Variants in TFDP2 observed in about 807,000 individuals in gnomAD.
TFDP2 encodes transcription factor Dp-2, also known as transcription factor Dp-2 (E2F dimerization partner 2).
Under a neutral mutation model 59.3 loss-of-function variants are expected in TFDP2, and 17 were observed. The ratio of observed to expected loss-of-function variants is 0.29; its 90% confidence interval spans 0.20 to 0.43. TFDP2 has a LOEUF of 0.43. Among genes scored for constraint, TFDP2 ranks in the 20% least tolerant of loss-of-function variants. The pLI is 1.00. For missense variants in TFDP2, 391 were observed against 528.8 expected, an observed-to-expected ratio of 0.74 and a Z score of 2.56; for synonymous variants, 180 against 194.7, an observed-to-expected ratio of 0.92 and a Z score of 0.63.
In TFDP2 at chr3:141,944,517, C is replaced by T. The variant is rs1935040210; in HGVS notation, c.*7996G>A. On this transcript the variant is annotated 3_prime_UTR_variant, in exon 13 of 13. Coordinates refer to ENST00000489671, the MANE Select transcript of TFDP2 (RefSeq NM_001178139.2). ...TTTTTTCTCAAGAACAACTTACACT[C>T]ATTTGAGATGCTTTTTCTTTCCTTT... 1 of 152,188 alleles carries T rather than the reference C, an allele frequency of 6.6e-6. No individual in the cohort carries two copies. Among genetic ancestry groups the T allele is most frequent in the South Asian group, 2.1e-4 (1 of 4,834 alleles). The allele number at this position is 152,188 out of a possible 1,614,324, so 9.4% of individuals were successfully genotyped here. A position where few individuals can be genotyped will look rare whatever the true frequency, so the allele number is the denominator to read the frequency against.
intron 2 of TFDP2, among the ~76,000 whole-genome samples, chr3:142,097,292 G>A (rs139821728): frequency 6.6e-6 from 1 of 152,286 alleles, no homozygotes; most frequent in African/African-American, 2.4e-5. Context: ...ATAATATGAT[G>A]AGTGAGCAAA....
At chr3:142,023,151 AAAAG>A (rs1457397317) in intron 3 of TFDP2, among the ~76,000 whole-genome samples, 3 of 151,016 alleles carry the variant, frequency 2.0e-5, no homozygotes, top group African/African-American at 7.3e-5. Flanking sequence ...AAAGAAAAAG[AAAAG>A]AAAAAGAAAA....
chr3:142,138,336 G>T (rs1006962135), intron 1 of TFDP2, among the ~76,000 whole-genome samples: 2 of 152,062 alleles, frequency 1.3e-5, no homozygotes, highest in African/African-American at 2.4e-5. Flanking sequence ...TGGATTCATT[G>T]ATTTTTTGAA....
chr3:142,007,481 T>A (rs1944312121), intron 3 of TFDP2, among the ~76,000 whole-genome samples: 1 of 152,244 alleles, frequency 6.6e-6, no homozygotes, highest in Admixed American at 6.5e-5. Context: ...CCAACCGTTT[T>A]AGCACCAGGA....
chr3:141,976,943 C>A (rs1322644293), intron 7 of TFDP2, among the ~76,000 whole-genome samples: 6 of 150,442 alleles, frequency 4.0e-5, no homozygotes, highest in African/African-American at 1.5e-4. Context: ...AAGCAACAAA[C>A]AAAACTTGGA....
chr3:141,973,115 A>T (rs1216235088), intron 8 of TFDP2, among the ~76,000 whole-genome samples: 172 of 91,928 alleles, frequency 1.9e-3, no homozygotes, highest in South Asian at 0.013. Flanking sequence ...ATATATATAT[A>T]TATATATATT....
At chr3:142,140,104 A>C (rs565509192) in intron 1 of TFDP2, among the ~76,000 whole-genome samples, 64 of 152,044 alleles carry the variant, frequency 4.2e-4, no homozygotes, top group African/African-American at 1.5e-3. Flanking sequence ...TTCTCGCTTT[A>C]TTTCATTAAT....
chr3:142,132,919 A>C (rs1337089034), intron 1 of TFDP2, among the ~76,000 whole-genome samples: 4 of 149,816 alleles, frequency 2.7e-5, no homozygotes, highest in Admixed American at 2.6e-4. Context: ...TAAAGATATA[A>C]ATTCTCCCAA....
chr3:142,044,022 G>T, intron 3 of TFDP2: 1 of 678,108 alleles, frequency 1.5e-6, no homozygotes. Context: ...TCAAGCCCAG[G>T]AATGGACTGT....
intron 6 of TFDP2, among the ~76,000 whole-genome samples, chr3:141,985,819 A>G (rs966744167): frequency 6.6e-6 from 1 of 152,238 alleles, no homozygotes; most frequent in African/African-American, 2.4e-5. Context: ...ATTAAGAATG[A>G]AAGGTCAATT....
intron 1 of TFDP2, among the ~76,000 whole-genome samples, chr3:142,107,963 A>G (rs889823915): frequency 2.0e-5 from 3 of 152,144 alleles, no homozygotes; most frequent in African/African-American, 4.8e-5. Context: ...TATGCCATAG[A>G]ATTTTTCTCC....
chr3:141,958,375 A>C (rs1410732762), intron 11 of TFDP2, among the ~76,000 whole-genome samples: 1 of 152,242 alleles, frequency 6.6e-6, no homozygotes, highest in African/African-American at 2.4e-5. Flanking sequence ...TCGAGTGAAA[A>C]AAAATCAAAT....
intron 3 of TFDP2, among the ~76,000 whole-genome samples, chr3:142,029,596 A>AT (rs1946324217): frequency 6.6e-6 from 1 of 152,150 alleles, no homozygotes; most frequent in Non-Finnish European, 1.5e-5. Context: ...AGATAACCAT[A>AT]TGACTGTCAA....
intron 1 of TFDP2, among the ~76,000 whole-genome samples, chr3:142,120,287 G>A (rs906008531): frequency 6.6e-5 from 10 of 151,762 alleles, no homozygotes; most frequent in South Asian, 2.1e-4. Context: ...GCGTGAACCC[G>A]AGAGGTGGAG....
At chr3:142,019,231 A>G (rs1030208226) in intron 3 of TFDP2, among the ~76,000 whole-genome samples, 1 of 151,036 alleles carries the variant, frequency 6.6e-6, no homozygotes, top group Non-Finnish European at 1.5e-5. Flanking sequence ...TGCCCAACTA[A>G]TTTTGTATTT....
intron 3 of TFDP2, among the ~76,000 whole-genome samples, chr3:142,087,328 G>A (rs1463610100): frequency 6.6e-6 from 1 of 152,018 alleles, no homozygotes; most frequent in Non-Finnish European, 1.5e-5. Flanking sequence ...AATACTGTAG[G>A]CAACTGTAAC....
intron 6 of TFDP2, among the ~76,000 whole-genome samples, chr3:141,984,620 CAG>C (rs1332794146): frequency 1.3e-5 from 2 of 152,062 alleles, no homozygotes; most frequent in Non-Finnish European, 2.9e-5. Context: ...TTCATGGGGA[CAG>C]AGTTTCAATA....
chr3:142,078,481 G>T (rs184539847), intron 3 of TFDP2, among the ~76,000 whole-genome samples: 6 of 152,330 alleles, frequency 3.9e-5, no homozygotes, highest in African/African-American at 1.4e-4. Context: ...GATAATCAGA[G>T]TTTCTGCCTG....
intron 3 of TFDP2, among the ~76,000 whole-genome samples, chr3:142,062,116 C>A (rs2059936244): frequency 6.6e-6 from 1 of 151,906 alleles, no homozygotes; most frequent in African/African-American, 2.4e-5. Flanking sequence ...ACCACTTACA[C>A]TTAATGAATG....
Sources: allele counts gnomAD v4.1 joint callset (sites outside exome capture counted in the v4.1 genomes callset), GRCh38; gene constraint gnomAD v4.1.1; transcripts MANE v1.5; gene names NCBI Gene and HGNC (gene_info 2026-07-23, HGNC 2026-07-21).